MTCL1: variants seen among roughly 807,000 people sequenced by gnomAD.
MTCL1 encodes microtubule crosslinking factor 1.
MTCL1 carries 79 observed loss-of-function variants against 141.4 expected under a neutral mutation model. The observed-to-expected ratio is 0.56, with a 90% CI of 0.47 to 0.67. The LOEUF is 0.67. MTCL1 is among the 30% of genes least tolerant of loss of function. The probability of loss-of-function intolerance (pLI) is 0.00; values close to 1 mark genes in which losing one functional copy is unlikely to be tolerated. For synonymous variants in MTCL1, 914 were observed against 875.8 expected (o/e 1.04, Z -0.77); for missense variants, 2,177 against 2,113.9 (o/e 1.03, Z -0.59).
intron 5 of MTCL1, chr18:8,782,690 G>A (rs753891221): frequency 6.6e-6 from 1 of 152,144 alleles, no homozygotes; most frequent in Non-Finnish European, 1.5e-5. Context: ...ATTTCCTGCT[G>A]TGTTATAGCA....
At chr18:8,796,072 T>C (rs931407442) in intron 8 of MTCL1, among the ~76,000 whole-genome samples, 160 bp from the exon 8 acceptor site, 2 of 152,214 alleles carry the variant, frequency 1.3e-5, no homozygotes, top group African/African-American at 4.8e-5. Flanking sequence ...AACAGGAAAC[T>C]GAAGCCCTTT....
chr18:8,719,268 A>C (rs1199928674), intron 3 of MTCL1, among the ~76,000 whole-genome samples: 1 of 152,212 alleles, frequency 6.6e-6, no homozygotes, highest in Admixed American at 6.5e-5. Flanking sequence ...CTGGAGATGA[A>C]TTATGCATAC....
rs897381332 is a variant in MTCL1 at position 8,810,526 on chromosome 18, G to C, written c.2605-2453G>C. ...GCAGAAGTGATGTGGGGCCCAGGAA[G>C]GGGTACGCTGCATGAGGAGATTCTA... On this transcript the variant is annotated intron_variant, in intron 11 of 16. Transcript: ENST00000359865. The surrounding 1 kb of genome is among the most constrained non-coding windows in gnomAD (Gnocchi z 5.0). Among the ~76,000 whole-genome samples, 1 of 152,176 alleles carries C rather than the reference G, an allele frequency of 6.6e-6. No homozygotes were observed. Among genetic ancestry groups the C allele is most frequent in the Non-Finnish European group, 1.5e-5 (1 of 68,028 alleles).
chr18:8,716,845 A>G (rs978437493), upstream of MTCL1, among the ~76,000 whole-genome samples: 2 of 152,154 alleles, frequency 1.3e-5, no homozygotes, highest in Non-Finnish European at 2.9e-5. Flanking sequence ...TTATGAAACT[A>G]GTCAAGAAAA....
chr18:8,829,077 C>A lies in MTCL1; in HGVS notation c.*18+113C>A, dbSNP rs612721. On this transcript the variant is annotated intron_variant, in intron 16 of 16. Coordinates refer to ENST00000359865, the Ensembl canonical transcript of MTCL1. ...GAGTTCTGCCCGGTGGCGGTACCCT[C>A]GCTCACCCCAAGTTCCAGGAGGTTC... The A allele has an allele frequency of 2.8e-5, 44 of 1,571,620 alleles. No individual in the cohort carries two copies. The African/African-American group carries it at 4.8e-4, about 17-fold the overall frequency.
chr18:8,724,658 A>G (rs1282078052), intron 4 of MTCL1, among the ~76,000 whole-genome samples: 1 of 152,084 alleles, frequency 6.6e-6, no homozygotes. Context: ...ACAGCAGCCT[A>G]TTACCCCCTA....
At chr18:8,760,228 G>A (rs1025982713) in intron 4 of MTCL1, among the ~76,000 whole-genome samples, 3 of 152,170 alleles carry the variant, frequency 2.0e-5, no homozygotes, top group Non-Finnish European at 4.4e-5. Context: ...GCCGGGCTAT[G>A]GAGGGTCTCA....
At chr18:8,818,207 C>T (rs556235500) in intron 12 of MTCL1, among the ~76,000 whole-genome samples, 2 of 152,332 alleles carry the variant, frequency 1.3e-5, no homozygotes, top group Admixed American at 6.5e-5. Context: ...GGAACTTGCA[C>T]CTGCCTGCAA....
intron 5 of MTCL1, 89 bp from the exon 5 acceptor site, chr18:8,783,441 T>G: frequency 8.3e-7 from 1 of 1,201,616 alleles, no homozygotes. Context: ...TTTGTGTGCA[T>G]TGGGGGCGAG....
intron 4 of MTCL1, among the ~76,000 whole-genome samples, chr18:8,758,701 G>A (rs769829069): frequency 3.3e-5 from 5 of 152,126 alleles, no homozygotes; most frequent in African/African-American, 7.2e-5. Flanking sequence ...ATATTTGGGC[G>A]CTTTCTCATC....
chr18:8,777,120 C>T (rs945040457), intron 4 of MTCL1, among the ~76,000 whole-genome samples: 2 of 152,152 alleles, frequency 1.3e-5, no homozygotes, highest in African/African-American at 4.8e-5. Flanking sequence ...CCTATAGTCC[C>T]AGCTACTTGG....
intron 7 of MTCL1, among the ~76,000 whole-genome samples, chr18:8,788,687 G>C (rs1340108408): frequency 6.6e-6 from 1 of 152,184 alleles, no homozygotes; most frequent in African/African-American, 2.4e-5. Flanking sequence ...GAGGAGCCCT[G>C]CTGCTCAGAC....
chr18:8,812,150 T>C (rs2076508805), intron 11 of MTCL1, among the ~76,000 whole-genome samples: 1 of 152,202 alleles, frequency 6.6e-6, no homozygotes, highest in Non-Finnish European at 1.5e-5. Flanking sequence ...AATAATGAGT[T>C]TTATATTTAC....
rs539038934 is a variant in MTCL1, at chr18:8,799,910, G to A, written c.2436+1619G>A. Reference sequence around the variant, plus strand: ...TTGCCTCCTGCTTCTTCCAACACTAGTTTTTAGCGATTACCCACGAAAGTG... The same window carrying A: ...TTGCCTCCTGCTTCTTCCAACACTAATTTTTAGCGATTACCCACGAAAGTG... On this transcript the variant is annotated intron_variant, in intron 10 of 16. Transcript: ENST00000359865. Among the ~76,000 whole-genome samples, 7 of 152,304 alleles carry A rather than the reference G, an allele frequency of 4.6e-5. No individual in the cohort carries two copies. The South Asian group carries it at 8.3e-4, about 18-fold the overall frequency.
intron 4 of MTCL1, 123 bp downstream of exon 3, chr18:8,720,619 G>A: frequency 1.1e-6 from 1 of 896,856 alleles, no homozygotes; most frequent in Non-Finnish European, 1.7e-6. Context: ...TGTTTGTTTG[G>A]CTCATAAGTT....
intron 1 of MTCL1, among the ~76,000 whole-genome samples, chr18:8,711,733 G>T (rs934340544): frequency 2.0e-5 from 3 of 151,090 alleles, no homozygotes; most frequent in Non-Finnish European, 2.9e-5. Flanking sequence ...TTTTTGATGG[G>T]GTTGTTTGTT....
At position 8,729,671 on chromosome 18, in the gene MTCL1, CAAATATATATATATATATATATATAT is replaced by C. The variant is rs1264576927; in HGVS notation, c.357+9177_357+9202del. On this transcript the variant is annotated intron_variant, in intron 4 of 16. Transcript: ENST00000359865. ...CTCTCACTTTGGCTTCCCAAGAAGACAAATATATATATATATATATATATATATATATATATATATATATATATATA... is the reference window on the plus strand; with the variant it reads ...CTCTCACTTTGGCTTCCCAAGAAGACATATATATATATATATATATATATA... 1.5e-3 allele frequency among the ~76,000 whole-genome samples: 190 copies of C among 128,044 alleles called. 2 individuals carry two copies. The highest frequency in any genetic ancestry group is 0.014 in the Middle Eastern group (3 of 220). The allele number at this position is 128,044 out of a possible 152,430, so 84.0% of individuals were successfully genotyped here. A position where few individuals can be genotyped will look rare whatever the true frequency, so the allele number is the denominator to read the frequency against.
intron 4 of MTCL1, among the ~76,000 whole-genome samples, chr18:8,750,191 C>T (rs2148949281): frequency 6.6e-6 from 1 of 152,118 alleles, no homozygotes; most frequent in South Asian, 2.1e-4. Flanking sequence ...GGATTACAGG[C>T]TCATGCCACC....
chr18:8,764,504 G>A (rs936311182), intron 4 of MTCL1, among the ~76,000 whole-genome samples: 1 of 152,094 alleles, frequency 6.6e-6, no homozygotes, highest in African/African-American at 2.4e-5. Flanking sequence ...TTTTAGTAGA[G>A]ACAGGGTTTC....
Sources: gnomAD v4.1 joint callset for allele counts (sites outside exome capture counted in the v4.1 genomes callset) on GRCh38, gnomAD v4.1.1 for gene constraint, Gnocchi (gnomAD v3.1) non-coding constraint, MANE v1.5 for transcripts, NCBI Gene and HGNC (gene_info 2026-07-23, HGNC 2026-07-21) for gene names.